DNAH12: variants seen among roughly 807,000 people sequenced by gnomAD.
The protein encoded by DNAH12 is dynein axonemal heavy chain 12, also known as axonemal beta dynein heavy chain 12.
Under a neutral mutation model 371.5 loss-of-function variants are expected in DNAH12, and 285 were observed. The ratio of observed to expected loss-of-function variants is 0.77; its 90% CI spans 0.70 to 0.85. The LOEUF (loss-of-function observed/expected upper bound fraction) is 0.85. Ranked by LOEUF, DNAH12 falls within the 40% of genes least tolerant of loss-of-function variation. DNAH12 has a pLI of 0.00. For synonymous variants in DNAH12, 1,200 were observed against 1,213.0 expected (o/e 0.99, Z 0.22); for missense variants, 3,611 against 3,689.4 (o/e 0.98, Z 0.55).
chr3:57,321,049 T>C (rs552902849), intron 65 of DNAH12, among the ~76,000 whole-genome samples: 1 of 152,302 alleles, frequency 6.6e-6, no homozygotes, highest in Admixed American at 6.5e-5. Context: ...ATGCTTCTTC[T>C]CTAACTCAGC....
chr3:57,491,091 A>AC (rs1208356512), intron 11 of DNAH12, among the ~76,000 whole-genome samples: 19 of 146,906 alleles, frequency 1.3e-4, no homozygotes, highest in Non-Finnish European at 2.4e-4. Flanking sequence ...CAAAAAAAAA[A>AC]AAAAAAAAAA....
intron 13 of DNAH12, among the ~76,000 whole-genome samples, chr3:57,477,276 T>C (rs555452616): frequency 1.3e-5 from 2 of 152,308 alleles, no homozygotes; most frequent in South Asian, 2.1e-4. Flanking sequence ...CAGGAGATTA[T>C]ATCCTGTGCA....
chr3:57,524,126 T>G (rs1381066872), intron 2 of DNAH12, among the ~76,000 whole-genome samples: 1 of 152,192 alleles, frequency 6.6e-6, no homozygotes, highest in East Asian at 1.9e-4. Flanking sequence ...TATAACTTAC[T>G]GACCATTTAA....
chr3:57,307,057 C>A (rs1013322523), intron 69 of DNAH12, among the ~76,000 whole-genome samples: 1 of 152,170 alleles, frequency 6.6e-6, no homozygotes, highest in Non-Finnish European at 1.5e-5. Flanking sequence ...AGGCTTCAGA[C>A]AGCCCCCATT....
chr3:57,532,321 G>A (rs960702288), intron 2 of DNAH12, among the ~76,000 whole-genome samples: 24 of 152,058 alleles, frequency 1.6e-4, no homozygotes, highest in Non-Finnish European at 5.9e-5. Flanking sequence ...ACATATCTTT[G>A]TTTCTCCAGG....
At chr3:57,550,080 GGGAA>G in the DNAH12 span, among the ~76,000 whole-genome samples, 2 of 152,158 alleles carry the variant, frequency 1.3e-5, no homozygotes, top group African/African-American at 4.8e-5. Context: ...AGGCCAAGGT[GGGAA>G]GATCTCTTGA....
chr3:57,357,227 T>C lies in DNAH12; in HGVS notation c.9482A>G (p.Gln3161Arg), dbSNP rs2062820705. Residue 3161 changes from glutamine to arginine, a missense_variant, in exon 59 of 74, where the codon CAG becomes CGG. Gln to Arg is a conservative substitution (Grantham distance 43, BLOSUM62 1). This residue lies in a region of DNAH12 where 2,266 missense variants were observed against 2,236.9 expected (regional missense o/e 1.01). Coordinates refer to ENST00000495027, the MANE Select transcript of DNAH12 (RefSeq NM_001366028.2). Reference sequence around the variant, plus strand: ...GTTCACAAACCACGTGAGAGAGTACTGATACATGGGATCAATATTAGCCAG... The same window carrying C: ...GTTCACAAACCACGTGAGAGAGTACCGATACATGGGATCAATATTAGCCAG... ...ADLANIDPMYQYSLTWFVNLY... is the reference protein window; with the variant it reads ...ADLANIDPMYRYSLTWFVNLY... 1 of 152,188 alleles carries C rather than the reference T, an allele frequency of 6.6e-6. No homozygotes were observed. 9.4% of individuals were successfully genotyped at this position (152,188 alleles called of 1,614,324 possible).
chr3:57,329,193 C>G (rs892495248), intron 62 of DNAH12, among the ~76,000 whole-genome samples: 6 of 143,862 alleles, frequency 4.2e-5, no homozygotes, highest in East Asian at 4.0e-4. Context: ...CCTTTCTTCA[C>G]AGAATTGGGA....
intron 25 of DNAH12, among the ~76,000 whole-genome samples, chr3:57,447,567 A>G (rs776155941): frequency 6.6e-6 from 1 of 152,228 alleles, no homozygotes; most frequent in Non-Finnish European, 1.5e-5. Flanking sequence ...TACCTTTAAA[A>G]ATAAGTAAAC....
chr3:57,352,352 C>G, intron 59 of DNAH12, 127 bp from the exon 60 acceptor site: 2 of 1,000,528 alleles, frequency 2.0e-6, no homozygotes, highest in East Asian at 2.9e-5. Context: ...GATACACACA[C>G]GAGGGCATGT....
At chr3:57,336,888 G>A (rs1438698939) in intron 60 of DNAH12, among the ~76,000 whole-genome samples, 3 of 152,168 alleles carry the variant, frequency 2.0e-5, no homozygotes, top group African/African-American at 7.2e-5. Flanking sequence ...AATTACTTGA[G>A]CAGAAGCTCA....
intron 66 of DNAH12, among the ~76,000 whole-genome samples, chr3:57,313,661 T>C (rs2061626229): frequency 6.6e-6 from 1 of 151,896 alleles, no homozygotes; most frequent in Non-Finnish European, 1.5e-5. Context: ...TCCAAACTTA[T>C]CTGGGCATGG....
chr3:57,369,205 G>C (rs2063114512), intron 55 of DNAH12, among the ~76,000 whole-genome samples: 1 of 109,958 alleles, frequency 9.1e-6, no homozygotes, highest in Non-Finnish European at 1.9e-5. Flanking sequence ...GGGCAACAAA[G>C]ATTGAAACTC....
rs147613572 is a variant in DNAH12, at chr3:57,312,715, G to A, written c.10663-1765C>T. Among the ~76,000 whole-genome samples, 28 of 152,292 alleles carry A rather than the reference G, an allele frequency of 1.8e-4. No individual in the cohort carries two copies. The East Asian group carries it at 4.6e-3, about 25-fold the overall frequency. ...TTTGGCAAAATGTTCTCCAAGCTTA[G>A]GCTGTACCAACTAAATTGGTCTCGA... On this transcript the variant is annotated intron_variant, in intron 66 of 73. Coordinates refer to ENST00000495027, the MANE Select transcript of DNAH12 (RefSeq NM_001366028.2).
Position 57,457,756 on chromosome 3 carries a change from G to A in DNAH12, c.3301C>T (p.Arg1101Trp), listed in dbSNP as rs747979970. Reference protein sequence around the residue: ...WLIQVEDLMLRSVHDVIAAAR... With the variant: ...WLIQVEDLMLWSVHDVIAAAR... Reference sequence around the variant, plus strand: ...GCAGCGATCACATCGTGAACACTCCGGAGCATTAGGTCTTCCACTTGAATG... The same window carrying A: ...GCAGCGATCACATCGTGAACACTCCAGAGCATTAGGTCTTCCACTTGAATG... The change falls in exon 22 of 74, where the codon CGG becomes TGG. Residue 1101 changes from arginine (R) to tryptophan (W), a missense_variant. Coordinates refer to ENST00000495027, the MANE Select transcript of DNAH12 (RefSeq NM_001366028.2). 5.7e-5 allele frequency: 89 copies of A among 1,551,372 alleles called. No individual in the cohort carries two copies. The highest frequency in any genetic ancestry group is 3.9e-4 in the Admixed American group (20 of 50,954).
intron 65 of DNAH12, among the ~76,000 whole-genome samples, chr3:57,319,188 A>G (rs532452042): frequency 2.0e-5 from 3 of 152,272 alleles, no homozygotes; most frequent in South Asian, 2.1e-4. Context: ...TGGTGTACAG[A>G]AATGCAACTA....
intron 43 of DNAH12, among the ~76,000 whole-genome samples, chr3:57,402,707 A>C (rs1054250058): frequency 2.6e-5 from 4 of 152,224 alleles, no homozygotes; most frequent in Admixed American, 2.6e-4. Context: ...GAGGAGGATA[A>C]AGAGAAGCAG....
At chr3:57,446,815 T>A (rs1269358475) in intron 25 of DNAH12, 126 bp from the exon 26 acceptor site, 21 of 1,043,724 alleles carry the variant, frequency 2.0e-5, no homozygotes, top group African/African-American at 3.2e-5. Context: ...ATTACATTGT[T>A]TAATTTTTAG....
chr3:57,397,075 T>C (rs1230194104), intron 43 of DNAH12, among the ~76,000 whole-genome samples: 1 of 152,202 alleles, frequency 6.6e-6, no homozygotes, highest in Admixed American at 6.5e-5. Flanking sequence ...AATCCTTACA[T>C]ACATTATATA....
Sources: allele counts gnomAD v4.1 joint callset (sites outside exome capture counted in the v4.1 genomes callset), GRCh38; gene constraint gnomAD v4.1.1; regional missense constraint gnomAD v4.1.1; transcripts MANE v1.5; gene names NCBI Gene and HGNC (gene_info 2026-07-23, HGNC 2026-07-21).